OBSL1: variants seen among roughly 807,000 people sequenced by gnomAD.
OBSL1 encodes the protein obscurin like cytoskeletal adaptor 1.
Under a neutral mutation model 172.0 loss-of-function variants are expected in OBSL1, and 160 were observed. That is an observed-to-expected ratio of 0.93 (90% CI 0.82 to 1.06). OBSL1 has a LOEUF of 1.06. Among genes scored for constraint, OBSL1 ranks in the 50% least tolerant of loss-of-function variants. OBSL1 has a pLI of 0.00. For synonymous variants in OBSL1, 1,200 were observed against 1,196.3 expected (o/e 1.00, Z -0.06); for missense variants, 2,681 against 2,715.4 (o/e 0.99, Z 0.28).
intron 8 of OBSL1, among the ~76,000 whole-genome samples, chr2:219,561,272 C>T (rs1175451981): frequency 6.6e-6 from 1 of 152,010 alleles, no homozygotes; most frequent in Non-Finnish European, 1.5e-5. Context: ...GGGTTCTGTG[C>T]CCCCCAGAGC....
At position 219,557,610 on chromosome 2, in the gene OBSL1, CAG is replaced by C. The variant is rs764132131; in HGVS notation, c.3797_3798del (p.Pro1266ArgfsTer110). The C allele has an allele frequency of 3.8e-5, 58 of 1,539,944 alleles. No individual in the cohort carries two copies. Among genetic ancestry groups the C allele is most frequent in the Non-Finnish European group, 5.0e-5 (57 of 1,139,872 alleles). ...GCTGCCTCGGGAGCTACCACCCGCACAGGGGGCTCTGTGGAGTCAGAGCTGGA... is the reference window on the plus strand; with the variant it reads ...GCTGCCTCGGGAGCTACCACCCGCACGGGGCTCTGTGGAGTCAGAGCTGGA... The part of the protein sequence containing the change: ...LSFTVQVAEP[P>X]VRVVAPEAAQ... On this transcript the variant is annotated frameshift_variant, in exon 12 of 21. Transcript: ENST00000404537. LOFTEE classifies it high-confidence loss of function.
chr2:219,557,943 C>A lies in OBSL1; in HGVS notation c.3670G>T (p.Glu1224Ter). 1 of 1,605,470 alleles carries A rather than the reference C, an allele frequency of 6.2e-7. No individual in the cohort carries two copies. Among genetic ancestry groups the A allele is most frequent in the South Asian group, 1.1e-5 (1 of 90,902 alleles). The change falls in exon 11 of 21, where the codon GAG (glutamate) becomes TAG (stop). Residue 1224 changes from glutamate to a stop codon, truncating the protein, a stop_gained. Coordinates refer to ENST00000404537, the MANE Select transcript of OBSL1 (RefSeq NM_015311.3). LOFTEE classifies it high-confidence loss of function. ...QEGEGLELHAEGPRRVLCIQA... is the reference protein window; with the variant it reads ...QEGEGLELHA ...ATGCAGAGGACTCGGCGGGGGCCCT[C>A]GGCATGGAGCTCTAGGCCCTCGCCC...
intron 6 of OBSL1, among the ~76,000 whole-genome samples, 175 bp from the exon 7 acceptor site, chr2:219,563,802 G>A (rs1696676780): frequency 6.6e-6 from 1 of 152,160 alleles, no homozygotes; most frequent in Non-Finnish European, 1.5e-5. Context: ...GGCAGGTGAG[G>A]CATGGCAGGA....
chr2:219,568,865 C>T lies in OBSL1; in HGVS notation c.1013-541G>A, dbSNP rs1450505137. On this transcript the variant is annotated intron_variant, in intron 1 of 20. Transcript: ENST00000404537. The surrounding 1 kb of genome is among the most constrained non-coding windows in gnomAD (Gnocchi z 4.1). ...GTTCAAGCAATTCTGGTGCCTCAGC[C>T]TCTCAAGTAGAGCTGGGATTACAGG... is the stretch of plus-strand genomic sequence containing the variant. Among the ~76,000 whole-genome samples, 1 of 151,918 alleles carries T rather than the reference C, an allele frequency of 6.6e-6. No individual in the cohort carries two copies. Among genetic ancestry groups the T allele is most frequent in the African/African-American group, 2.4e-5 (1 of 41,366 alleles).
rs370892229 is a variant in OBSL1 at position 219,570,264 on chromosome 2, G to C, written c.969C>G (p.Asn323Lys). ...CGGCACTGAGCGTCTGGCCCGCCGA[G>C]TTGCGCGCGGCGCAGACGTAGAGCC... ...DRGLYVCAAR[N>K]SAGQTLSAVQ... Residue 323 changes from asparagine (N) to lysine (K), a missense_variant, in exon 1 of 21, where the codon AAC becomes AAG. Asn to Lys is a moderately conservative substitution (Grantham distance 94, BLOSUM62 0). Around this residue, in one of 5 missense-constraint regions of OBSL1, gnomAD observed 706 missense variants for 695.8 expected, o/e 1.01. Coordinates refer to ENST00000404537, the MANE Select transcript of OBSL1 (RefSeq NM_015311.3). 4 of 1,596,808 alleles carry C rather than the reference G, an allele frequency of 2.5e-6. No homozygotes were observed. The highest frequency in any genetic ancestry group is 1.3e-5 in the African/African-American group (1 of 74,632).
intron 20 of OBSL1, 141 bp from the exon 21 acceptor site, chr2:219,550,983 G>C: frequency 2.0e-6 from 3 of 1,514,418 alleles, no homozygotes; most frequent in Non-Finnish European, 2.7e-6. Flanking sequence ...GGTTAGGGCT[G>C]TCTTGGCGGC....
chr2:219,567,752 G>T lies in OBSL1; in HGVS notation c.1500C>A (p.Gly500=). Residue 500 remains glycine (G), a synonymous_variant, in exon 3 of 21, where the codon GGC becomes GGA. Coordinates refer to ENST00000404537, the MANE Select transcript of OBSL1 (RefSeq NM_015311.3). ...EDAGEVTFSL[G]NSRTTTLLRV... is the part of the protein sequence containing the mutation. ...TGAGAAGCGTAGTGGTACGGGAGTT[G>T]CCCAGGCTAAAGGTGACCTCGCCAG... is the stretch of plus-strand genomic sequence containing the variant. The T allele has an allele frequency of 1.9e-6, 3 of 1,613,372 alleles. No individual in the cohort carries two copies. Among genetic ancestry groups the T allele is most frequent in the Non-Finnish European group, 2.5e-6 (3 of 1,179,394 alleles).
chr2:219,568,070 T>A lies in OBSL1; in HGVS notation c.1267A>T (p.Asn423Tyr). The change falls in exon 2 of 21, where the codon AAC becomes TAC. Residue 423 changes from asparagine to tyrosine, a missense_variant. Physicochemically the swap from Asn to Tyr is moderately radical, Grantham distance 143. Coordinates refer to ENST00000404537, the MANE Select transcript of OBSL1 (RefSeq NM_015311.3). The surrounding 1 kb of genome is among the most constrained non-coding windows in gnomAD (Gnocchi z 4.1). ...GCCAGCTGACCTTTGACTGTGACGT[T>A]GGCCACGGTGCGCACCCGGCCCCGC... ...EMRGRVRTVANVTVKGPILKR... is the reference protein window; with the variant it reads ...EMRGRVRTVAYVTVKGPILKR... The A allele has an allele frequency of 6.2e-7, 1 of 1,609,830 alleles. No homozygotes were observed. The highest frequency in any genetic ancestry group is 8.5e-7 in the Non-Finnish European group (1 of 1,176,562).
chr2:219,559,147 G>A (rs1696264636), intron 9 of OBSL1, 78 bp downstream of exon 9: 1 of 1,362,152 alleles, frequency 7.3e-7, no homozygotes, highest in Non-Finnish European at 1.0e-6. Context: ...ATGGGGTGGG[G>A]GAGGTGGGGC....
At chr2:219,556,828 C>T in intron 12 of OBSL1, 105 bp from the exon 13 acceptor site, 3 of 1,262,662 alleles carry the variant, frequency 2.4e-6, no homozygotes, top group East Asian at 5.1e-5. Context: ...TTTAACAGAC[C>T]TTCTGTGAGG....
downstream of OBSL1, among the ~76,000 whole-genome samples, chr2:219,549,534 T>C (rs994795034): frequency 6.6e-6 from 1 of 151,818 alleles, no homozygotes; most frequent in African/African-American, 2.4e-5. Context: ...GGTGGGGGAA[T>C]TGGGGGAAAG....
At position 219,553,562 on chromosome 2, in the gene OBSL1, C is replaced by T. The variant is rs773186372; in HGVS notation, c.4989+12G>A. On this transcript the variant is annotated intron_variant, in intron 16 of 20. Coordinates refer to ENST00000404537, the MANE Select transcript of OBSL1 (RefSeq NM_015311.3). ...TACACTGAAGTGGGCTTGGCTGGGG[C>T]TGGGATCTGACCTTCTCCCAGGTAA... 1 of 1,603,366 alleles carries T rather than the reference C, an allele frequency of 6.2e-7. No homozygotes were observed. Among genetic ancestry groups the T allele is most frequent in the Non-Finnish European group, 8.5e-7 (1 of 1,171,270 alleles).
At chr2:219,551,363 C>A in intron 20 of OBSL1, 166 bp downstream of exon 20, 1 of 1,382,192 alleles carries the variant, frequency 7.2e-7, no homozygotes, top group Non-Finnish European at 9.5e-7. Context: ...CCAGGGCTTT[C>A]CAGCCCTGGG....
Position 219,558,275 on chromosome 2 carries a change from G to T in OBSL1, c.3411C>A (p.Thr1137=), listed in dbSNP as rs768282568. The change falls in exon 10 of 21, where the codon ACC becomes ACA. Residue 1137 remains threonine, a synonymous_variant. Transcript: ENST00000404537. ...LQLGAEGPTR[T]LTLPHAQPED... Reference sequence around the variant, plus strand: ...CAGGCTGGGCGTGGGGCAGGGTCAGGGTGCGGGTGGGCCCCTCGGCACCCA... The same window carrying T: ...CAGGCTGGGCGTGGGGCAGGGTCAGTGTGCGGGTGGGCCCCTCGGCACCCA... The T allele has an allele frequency of 9.3e-6, 15 of 1,611,234 alleles. No individual in the cohort carries two copies. The highest frequency in any genetic ancestry group is 1.3e-5 in the Non-Finnish European group (15 of 1,178,960).
rs768636811 is a variant in OBSL1 at position 219,558,394 on chromosome 2, G to T, written c.3292C>A (p.Arg1098Ser). ...SLDLHFGAPG[R>S]VELRCEVAPA... ...GCCACCTCACAGCGCAGCTCCACGCGCCCTGGAGCCCCAAAATGCAGATCC... is the reference window on the plus strand; with the variant it reads ...GCCACCTCACAGCGCAGCTCCACGCTCCCTGGAGCCCCAAAATGCAGATCC... The change falls in exon 10 of 21, where the codon CGC becomes AGC. Residue 1098 changes from arginine to serine, a missense_variant. Physicochemically the swap from Arg to Ser is moderately radical, Grantham distance 110 (BLOSUM62 -1). Around this residue, in one of 5 missense-constraint regions of OBSL1, gnomAD observed 1,765 missense variants for 1,748.3 expected, o/e 1.01. Coordinates refer to ENST00000404537, the MANE Select transcript of OBSL1 (RefSeq NM_015311.3). The T allele has an allele frequency of 8.1e-6, 13 of 1,606,196 alleles. No individual in the cohort carries two copies. Among genetic ancestry groups the T allele is most frequent in the Admixed American group, 3.4e-5 (2 of 59,338 alleles).
At chr2:219,549,110 C>T (rs371999811), downstream of OBSL1, 81 of 1,607,940 alleles carry the variant, frequency 5.0e-5, no homozygotes, top group Non-Finnish European at 4.3e-5. Flanking sequence ...GGAAACAAGG[C>T]GCACCGTCCT....
Position 219,558,085 on chromosome 2 carries a change from T to G in OBSL1, c.3528A>C (p.Leu1176=), listed in dbSNP as rs778933148. 1.9e-6 allele frequency: 3 copies of G among 1,613,720 alleles called. No homozygotes were observed. Among genetic ancestry groups the G allele is most frequent in the Non-Finnish European group, 2.5e-6 (3 of 1,179,840 alleles). The change falls in exon 11 of 21, where the codon CTA becomes CTC. Residue 1176 remains leucine (L), a synonymous_variant. Coordinates refer to ENST00000404537, the MANE Select transcript of OBSL1 (RefSeq NM_015311.3). ...CACAGAGCGGGCTTGGAGTTGTCTC[T>G]AGAGCAAGGAACTGCACTGGAGGCT... ...LAEPPVQFLA[L]ETTPSPLCVA... is the part of the protein sequence containing the mutation.
chr2:219,549,454 G>A (rs1388812645), downstream of OBSL1: 9 of 1,417,550 alleles, frequency 6.3e-6, no homozygotes, highest in Non-Finnish European at 8.5e-6. Flanking sequence ...CTATCTAGAA[G>A]GCCTGTTTGT....
rs992678157 is a variant in OBSL1 at position 219,552,321 on chromosome 2, T to C, written c.5309-105A>G. The C allele has an allele frequency of 4.5e-6, 5 of 1,105,030 alleles. No homozygotes were observed. In the South Asian group the frequency reaches 5.8e-5, roughly 13 times the overall value. 68.5% of individuals were successfully genotyped at this position (1,105,030 alleles called of 1,614,324 possible). The stretch of plus-strand genomic sequence containing the variant: ...CCTGGGTCGGTTCGGACGCCGTTAG[T>C]GTATGCTAGGGTGGGCGGAACAGGG... On this transcript the variant is annotated intron_variant, in intron 18 of 20. Coordinates refer to ENST00000404537, the MANE Select transcript of OBSL1 (RefSeq NM_015311.3).
Sources: gnomAD v4.1 joint callset for allele counts (sites outside exome capture counted in the v4.1 genomes callset) on GRCh38, gnomAD v4.1.1 for gene constraint, gnomAD v4.1.1 regional missense constraint, Gnocchi (gnomAD v3.1) non-coding constraint, MANE v1.5 for transcripts, NCBI Gene and HGNC (gene_info 2026-07-23, HGNC 2026-07-21) for gene names.